Variants in TMEM132C observed in about 807,000 individuals in gnomAD.
The protein encoded by TMEM132C is transmembrane protein 132C, also known as protein phosphatase 1, regulatory subunit 152.
A neutral mutation model predicts 61.4 loss-of-function variants in TMEM132C; 29 were observed. That is an observed-to-expected ratio of 0.47 (90% CI 0.35 to 0.64). The LOEUF is 0.64. TMEM132C is among the 30% of genes least tolerant of loss of function. The probability of loss-of-function intolerance (pLI) is 0.00; values close to 1 mark genes in which losing one functional copy is unlikely to be tolerated. For synonymous variants in TMEM132C, 656 were observed against 633.1 expected, an observed-to-expected ratio of 1.04 and a Z score of -0.54; for missense variants, 1,408 against 1,476.9, an observed-to-expected ratio of 0.95 and a Z score of 0.76.
chr12:128,578,317 C>T (rs1211259517), intron 3 of TMEM132C, among the ~76,000 whole-genome samples: 1 of 152,226 alleles, frequency 6.6e-6, no homozygotes, highest in Non-Finnish European at 1.5e-5. Context: ...ACCTCCCACA[C>T]TGGTCGCAGC....
chr12:128,700,085 G>A (rs1446313564), intron 8 of TMEM132C, among the ~76,000 whole-genome samples: 2 of 152,320 alleles, frequency 1.3e-5, no homozygotes, highest in South Asian at 4.1e-4. Flanking sequence ...TAGGGTGGAC[G>A]ATTGGCATTG....
intron 1 of TMEM132C, among the ~76,000 whole-genome samples, chr12:128,401,917 A>G (rs1336447373): frequency 6.6e-6 from 1 of 152,192 alleles, no homozygotes; most frequent in Non-Finnish European, 1.5e-5. Flanking sequence ...AGATGTTTAC[A>G]TCCCTATCGC....
Position 128,486,743 on chromosome 12 carries a change from T to A in TMEM132C, c.975-57214T>A, listed in dbSNP as rs144740046. On this transcript the variant is annotated intron_variant, in intron 2 of 8. Transcript: ENST00000435159. ...TCAGCGCTTGGGCAGTCCGGGGAAG[T>A]TCTGGTGACCATTATATCTCATTGC... 4.1e-3 allele frequency among the ~76,000 whole-genome samples: 629 copies of A among 152,168 alleles called. 3 individuals carry two copies. Among genetic ancestry groups the A allele is most frequent in the African/African-American group, 0.015 (605 of 41,494 alleles).
intron 4 of TMEM132C, among the ~76,000 whole-genome samples, chr12:128,626,073 T>C (rs11059799): frequency 0.073 from 11,107 of 152,040 alleles, 495 homozygotes; most frequent in African/African-American, 0.1. Context: ...AAGAAACACA[T>C]GTACTACAGT....
chr12:128,459,884 CAAAAAAAAAAA>C (rs71069569), intron 2 of TMEM132C, among the ~76,000 whole-genome samples: 1 of 82,196 alleles, frequency 1.2e-5, no homozygotes, highest in South Asian at 5.6e-4. Flanking sequence ...GACTCTGTCT[CAAAAAAAAAAA>C]AAAAAAAAAA....
intron 2 of TMEM132C, among the ~76,000 whole-genome samples, chr12:128,520,223 C>T (rs1593084087): frequency 6.6e-6 from 1 of 152,232 alleles, no homozygotes; most frequent in South Asian, 2.1e-4. Context: ...AGCCCTCGCT[C>T]AGCAGTCCAC....
intron 4 of TMEM132C, among the ~76,000 whole-genome samples, chr12:128,619,959 G>A (rs1429738521): frequency 2.0e-5 from 3 of 152,120 alleles, no homozygotes; most frequent in African/African-American, 4.8e-5. Context: ...GGCCAGGCGC[G>A]ATGGCTCACA....
At chr12:128,590,229 G>A (rs142683567) in intron 3 of TMEM132C, among the ~76,000 whole-genome samples, 1 of 152,126 alleles carries the variant, frequency 6.6e-6, no homozygotes, top group Non-Finnish European at 1.5e-5. Flanking sequence ...GGACAAGGAG[G>A]CCTGCTTGAG....
At chr12:128,668,648 T>C (rs1954501428) in intron 4 of TMEM132C, among the ~76,000 whole-genome samples, 1 of 152,186 alleles carries the variant, frequency 6.6e-6, no homozygotes, top group Non-Finnish European at 1.5e-5. Context: ...AAATGTATCA[T>C]CCTACACTTC....
intron 3 of TMEM132C, among the ~76,000 whole-genome samples, chr12:128,592,708 G>A (rs1213654098): frequency 6.6e-6 from 1 of 152,236 alleles, no homozygotes; most frequent in East Asian, 1.9e-4. Flanking sequence ...TAGGGGATGG[G>A]GAGAGAAGAT....
At chr12:128,358,528 T>C (rs1873592884) in intron 1 of TMEM132C, among the ~76,000 whole-genome samples, 1 of 151,872 alleles carries the variant, frequency 6.6e-6, no homozygotes, top group Non-Finnish European at 1.5e-5. Flanking sequence ...TGTGTGTGTC[T>C]AGTGCATGTG....
chr12:128,300,439 C>T (rs915049010), intron 1 of TMEM132C, among the ~76,000 whole-genome samples: 2 of 152,088 alleles, frequency 1.3e-5, no homozygotes, highest in Admixed American at 6.5e-5. Flanking sequence ...GGGTCTCTTC[C>T]GTGTGTCCTT....
At chr12:128,375,510 G>A (rs1035366913) in intron 1 of TMEM132C, among the ~76,000 whole-genome samples, 3 of 151,876 alleles carry the variant, frequency 2.0e-5, no homozygotes, top group South Asian at 2.1e-4. Flanking sequence ...GTTTCCCTCC[G>A]TGTCTCTCCT....
intron 1 of TMEM132C, among the ~76,000 whole-genome samples, chr12:128,399,647 C>CT (rs1374429799): frequency 6.6e-6 from 1 of 152,086 alleles, no homozygotes; most frequent in Non-Finnish European, 1.5e-5. Context: ...TGAAGAAACA[C>CT]TAAGAAAGTT....
At chr12:128,332,333 G>A (rs916844926) in intron 1 of TMEM132C, among the ~76,000 whole-genome samples, 3 of 152,178 alleles carry the variant, frequency 2.0e-5, no homozygotes, top group African/African-American at 7.2e-5. Context: ...TGTTAGAAAA[G>A]CTGTTTTTCC....
intron 5 of TMEM132C, among the ~76,000 whole-genome samples, chr12:128,673,327 C>T (rs1000221759): frequency 6.6e-6 from 1 of 152,204 alleles, no homozygotes; most frequent in African/African-American, 2.4e-5. Flanking sequence ...GGCAGCAGTC[C>T]GCAAGCCAGG....
chr12:128,427,719 G>A (rs947283889), intron 2 of TMEM132C, among the ~76,000 whole-genome samples: 6 of 152,080 alleles, frequency 3.9e-5, no homozygotes, highest in East Asian at 1.9e-4. Context: ...GGAGAAGCCC[G>A]GCATCCTCAC....
chr12:128,402,888 AG>A (rs2136011592), intron 1 of TMEM132C, among the ~76,000 whole-genome samples: 1 of 152,294 alleles, frequency 6.6e-6, no homozygotes, highest in East Asian at 1.9e-4. Context: ...CGTCTTTGAA[AG>A]GCACAGTTCC....
At chr12:128,461,517 G>A (rs904075197) in intron 2 of TMEM132C, among the ~76,000 whole-genome samples, 2 of 148,736 alleles carry the variant, frequency 1.3e-5, no homozygotes, top group African/African-American at 5.0e-5. Context: ...ACCCTTAAAA[G>A]GGGAAGCAAA....
Sources: allele counts gnomAD v4.1 joint callset (sites outside exome capture counted in the v4.1 genomes callset), GRCh38; gene constraint gnomAD v4.1.1; transcripts MANE v1.5; gene names NCBI Gene and HGNC (gene_info 2026-07-23, HGNC 2026-07-21).